SLC35D4: variants seen among roughly 807,000 people sequenced by gnomAD.
SLC35D4 encodes solute carrier family 35 member D4, also known as UDP-N-acetylglucosamine transporter SLC35D4.
chr18:23,276,133 C>G, the SLC35D4 span, among the ~76,000 whole-genome samples: 164 of 152,020 alleles, frequency 1.1e-3, 3 homozygotes, highest in South Asian at 0.019. Flanking sequence ...TGTCGCCCAG[C>G]CTGGAGTGCA....
chr18:23,286,804 T>C, the SLC35D4 span, among the ~76,000 whole-genome samples: 3 of 152,064 alleles, frequency 2.0e-5, no homozygotes, highest in East Asian at 5.8e-4. Flanking sequence ...ACCTGCCCAG[T>C]TCCCTTATTA....
chr18:23,422,806 A>C, the SLC35D4 span, among the ~76,000 whole-genome samples: 2 of 32,328 alleles, frequency 6.2e-5, no homozygotes, highest in Non-Finnish European at 1.2e-4. Flanking sequence ...ACAGGTCACA[A>C]ACACCCCTCC....
chr18:23,280,892 G>A, the SLC35D4 span, among the ~76,000 whole-genome samples: 1 of 152,146 alleles, frequency 6.6e-6, no homozygotes, highest in East Asian at 1.9e-4. Flanking sequence ...CAGCTTCCAG[G>A]GTCCCTGAGT....
chr18:23,351,984 G>A, the SLC35D4 span, among the ~76,000 whole-genome samples: 2 of 152,166 alleles, frequency 1.3e-5, no homozygotes, highest in Non-Finnish European at 2.9e-5. Context: ...ATCCATGATT[G>A]TCTTCCAGGA....
At chr18:23,354,767 C>A in the SLC35D4 span, among the ~76,000 whole-genome samples, 2 of 152,218 alleles carry the variant, frequency 1.3e-5, no homozygotes, top group African/African-American at 4.8e-5. Flanking sequence ...AGACTCTGGG[C>A]CAGGATAAGC....
At chr18:23,252,440 G>T in the SLC35D4 span, among the ~76,000 whole-genome samples, 1 of 152,230 alleles carries the variant, frequency 6.6e-6, no homozygotes, top group Non-Finnish European at 1.5e-5. Flanking sequence ...AGCACTTGCT[G>T]TAGGCCAGGC....
chr18:23,414,361 G>A, the SLC35D4 span, among the ~76,000 whole-genome samples: 1 of 150,622 alleles, frequency 6.6e-6, no homozygotes, highest in Non-Finnish European at 1.5e-5. Flanking sequence ...CAGGCAGGAA[G>A]GGGAAAGAGA....
the SLC35D4 span, among the ~76,000 whole-genome samples, chr18:23,246,765 C>T: frequency 6.6e-6 from 1 of 151,876 alleles, no homozygotes; most frequent in Non-Finnish European, 1.5e-5. Context: ...CATCTTGGCT[C>T]ACTTCAATCT....
the SLC35D4 span, among the ~76,000 whole-genome samples, chr18:23,343,098 T>C: frequency 6.6e-6 from 1 of 152,086 alleles, no homozygotes; most frequent in East Asian, 1.9e-4. Context: ...AATTTTTGTA[T>C]GTTCAGTAGA....
At chr18:23,393,009 G>C in the SLC35D4 span, among the ~76,000 whole-genome samples, 1 of 152,006 alleles carries the variant, frequency 6.6e-6, no homozygotes, top group Non-Finnish European at 1.5e-5. Context: ...TCCGCCTCCC[G>C]GGTTCAAGCG....
chr18:23,385,418 C>G, the SLC35D4 span, among the ~76,000 whole-genome samples: 1 of 152,216 alleles, frequency 6.6e-6, no homozygotes, highest in Admixed American at 6.5e-5. Flanking sequence ...ACACGCAGAG[C>G]AAGCTTTCTT....
At chr18:23,408,812 CTCTCTTT>C in the SLC35D4 span, among the ~76,000 whole-genome samples, 2 of 144,082 alleles carry the variant, frequency 1.4e-5, no homozygotes, top group Non-Finnish European at 1.5e-5. Flanking sequence ...TATATCTTAT[CTCTCTTT>C]TTTTTTTTTT....
chr18:23,382,072 C>T, the SLC35D4 span, among the ~76,000 whole-genome samples: 1 of 151,818 alleles, frequency 6.6e-6, no homozygotes, highest in Non-Finnish European at 1.5e-5. Context: ...ACCCCCATCT[C>T]TACTAAAAAT....
chr18:23,388,121 A>C, the SLC35D4 span, among the ~76,000 whole-genome samples: 1 of 152,238 alleles, frequency 6.6e-6, no homozygotes, highest in Non-Finnish European at 1.5e-5. Context: ...TAAAATCAGT[A>C]ATGAGGTCAG....
At chr18:23,252,575 A>T in the SLC35D4 span, among the ~76,000 whole-genome samples, 1 of 152,200 alleles carries the variant, frequency 6.6e-6, no homozygotes, top group Non-Finnish European at 1.5e-5. Context: ...AAGCCGTCAG[A>T]CTAGTGAATG....
chr18:23,312,578 TGTGGG>T, the SLC35D4 span, among the ~76,000 whole-genome samples: 1 of 152,182 alleles, frequency 6.6e-6, no homozygotes, highest in African/African-American at 2.4e-5. Flanking sequence ...GTGGGACAAC[TGTGGG>T]GTTGGACGGG....
the SLC35D4 span, among the ~76,000 whole-genome samples, chr18:23,416,587 C>T: frequency 5.3e-5 from 8 of 152,296 alleles, no homozygotes; most frequent in South Asian, 4.1e-4. Context: ...CATCTGGTAA[C>T]GCTCCTTTGC....
At chr18:23,315,775 C>T in the SLC35D4 span, among the ~76,000 whole-genome samples, 1 of 152,256 alleles carries the variant, frequency 6.6e-6, no homozygotes, top group East Asian at 1.9e-4. Context: ...ATTCTAGTCC[C>T]AAAATGCCAG....
At chr18:23,332,737 T>A in the SLC35D4 span, among the ~76,000 whole-genome samples, 1 of 151,730 alleles carries the variant, frequency 6.6e-6, no homozygotes, top group East Asian at 1.9e-4. Flanking sequence ...TCCGCTGAGA[T>A]ACTTCAAAAA....
Sources: gnomAD v4.1 joint callset for allele counts (sites outside exome capture counted in the v4.1 genomes callset) on GRCh38, gnomAD v4.1.1 for gene constraint, MANE v1.5 for transcripts, NCBI Gene and HGNC (gene_info 2026-07-23, HGNC 2026-07-21) for gene names.